CYYR1: variants seen among roughly 807,000 people sequenced by gnomAD.
The protein encoded by CYYR1 is cysteine and tyrosine rich 1.
Under a neutral mutation model 15.2 loss-of-function variants are expected in CYYR1, and 14 were observed. The ratio of observed to expected loss-of-function variants is 0.92; its 90% CI spans 0.61 to 1.44. CYYR1 has a LOEUF of 1.44. Among genes scored for constraint, CYYR1 ranks in the 40% most tolerant of loss-of-function variants. The pLI is 0.00. For synonymous variants in CYYR1, 80 were observed against 77.4 expected, an observed-to-expected ratio of 1.03 and a Z score of -0.18; for missense variants, 228 against 209.5, an observed-to-expected ratio of 1.09 and a Z score of -0.54.
At chr21:26,562,481 T>A (rs542455312) in intron 2 of CYYR1, among the ~76,000 whole-genome samples, 1 of 152,180 alleles carries the variant, frequency 6.6e-6, no homozygotes, top group Non-Finnish European at 1.5e-5. Flanking sequence ...CATTAAAGGA[T>A]CTATCTTTTG....
chr21:26,522,130 T>C (rs1193968369), intron 2 of CYYR1, among the ~76,000 whole-genome samples: 2 of 152,242 alleles, frequency 1.3e-5, no homozygotes, highest in Non-Finnish European at 2.9e-5. Context: ...CCAACCACAG[T>C]ATCAGACACT....
chr21:26,469,608 C>T (rs2065009549), intron 3 of CYYR1, among the ~76,000 whole-genome samples: 1 of 152,052 alleles, frequency 6.6e-6, no homozygotes, highest in Non-Finnish European at 1.5e-5. Flanking sequence ...TCATCTCAAA[C>T]ATTTGTCATT....
rs533631176 is a variant in CYYR1, at chr21:26,468,580, G to A, written c.389C>T (p.Pro130Leu). The A allele has an allele frequency of 3.4e-5, 55 of 1,613,608 alleles. No homozygotes were observed. Among genetic ancestry groups the A allele is most frequent in the Non-Finnish European group, 4.2e-5 (50 of 1,179,776 alleles). ...DHEMEYCADLPPPYSPTPQGP... is the reference protein window; with the variant it reads ...DHEMEYCADLLPPYSPTPQGP... ...CTGTGGGGTGGGGGAGTATGGAGGA[G>A]GCAAGTCTGCACAGTATTCCATCTC... is the stretch of plus-strand genomic sequence containing the variant. Residue 130 changes from proline to leucine, a missense_variant, in exon 4 of 4, where the codon CCT (proline) becomes CTT (leucine). Pro to Leu is a moderately conservative substitution (Grantham distance 98). Transcript: ENST00000652641.
At position 26,468,496 on chromosome 21, in the gene CYYR1, A is replaced by G; in HGVS notation, c.*5T>C. The G allele has an allele frequency of 6.6e-7, 1 of 1,519,388 alleles. No homozygotes were observed. The highest frequency in any genetic ancestry group is 1.1e-5 in the South Asian group (1 of 89,258). 94.1% of individuals were successfully genotyped at this position (1,519,388 alleles called of 1,614,324 possible). On this transcript the variant is annotated 3_prime_UTR_variant, in exon 4 of 4. Coordinates refer to ENST00000652641, the MANE Select transcript of CYYR1 (RefSeq NM_001320768.2). ...ATTGGCACATGTTCTGTTCTGGGAG[A>G]TAGATTATTTCCTTGCGTTTCCAGG...
chr21:26,477,993 T>A, intron 3 of CYYR1: 1 of 1,523,676 alleles, frequency 6.6e-7, no homozygotes, highest in South Asian at 1.3e-5. Context: ...GGTATTGATA[T>A]ATGATTAATT....
chr21:26,481,069 C>T (rs957437915), intron 2 of CYYR1, among the ~76,000 whole-genome samples: 2 of 151,920 alleles, frequency 1.3e-5, no homozygotes, highest in African/African-American at 4.8e-5. Flanking sequence ...AGTTTTAGCT[C>T]ATGCAACAAA....
At position 26,573,229 on chromosome 21, in the gene CYYR1, C is replaced by T. The variant is rs1463609783; in HGVS notation, c.-289G>A. The T allele has an allele frequency of 7.1e-7, 1 of 1,404,342 alleles. No homozygotes were observed. Among genetic ancestry groups the T allele is most frequent in the East Asian group, 3.5e-5 (1 of 28,622 alleles). The allele number at this position is 1,404,342 out of a possible 1,614,324, so 87.0% of individuals were successfully genotyped here. A position where few individuals can be genotyped will look rare whatever the true frequency, so the allele number is the denominator to read the frequency against. ...CGCTCAGGCGCGGGGAAGGCGGCCA[C>T]TCCGGCGTCCTTGGCCACCCAGGCT... On this transcript the variant is annotated 5_prime_UTR_variant, in exon 1 of 4. In the 5' UTR this introduces an upstream ATG that the reference lacks. Transcript: ENST00000652641.
At chr21:26,515,876 T>A (rs1435780947) in intron 2 of CYYR1, among the ~76,000 whole-genome samples, 9 of 152,188 alleles carry the variant, frequency 5.9e-5, no homozygotes, top group African/African-American at 7.2e-5. Flanking sequence ...TATGGGCAAT[T>A]TTTCCCTCAG....
At chr21:26,469,494 T>G (rs932944972) in intron 3 of CYYR1, among the ~76,000 whole-genome samples, 8 of 152,328 alleles carry the variant, frequency 5.3e-5, no homozygotes, top group African/African-American at 1.7e-4. Context: ...ATAATTTTAT[T>G]TTTTTGAATT....
At chr21:26,562,884 A>G (rs1814584999) in intron 2 of CYYR1, among the ~76,000 whole-genome samples, 1 of 151,714 alleles carries the variant, frequency 6.6e-6, no homozygotes, top group South Asian at 2.1e-4. Context: ...AGCTCTTTGA[A>G]TTAGAATTAT....
At chr21:26,570,287 A>C (rs1464916504) in intron 1 of CYYR1, among the ~76,000 whole-genome samples, 1 of 152,188 alleles carries the variant, frequency 6.6e-6, no homozygotes, top group Non-Finnish European at 1.5e-5. Flanking sequence ...GTGGTCTGGA[A>C]GAAGGTTCCC....
At chr21:26,483,015 T>C (rs1455292546) in intron 2 of CYYR1, among the ~76,000 whole-genome samples, 1 of 152,008 alleles carries the variant, frequency 6.6e-6, no homozygotes, top group African/African-American at 2.4e-5. Flanking sequence ...TATTCTTCCT[T>C]CTGGAAACTC....
chr21:26,568,433 C>T (rs565492815), intron 1 of CYYR1: 4 of 152,238 alleles, frequency 2.6e-5, no homozygotes, highest in Admixed American at 6.5e-5. Context: ...AACTGGACTC[C>T]TATCTTTTAC....
chr21:26,562,353 A>G (rs1028904038), intron 2 of CYYR1, among the ~76,000 whole-genome samples: 6 of 152,172 alleles, frequency 3.9e-5, no homozygotes, highest in African/African-American at 1.4e-4. Context: ...ATCTTTGTCT[A>G]TTGTCTTAAT....
chr21:26,493,044 G>A (rs1205506617), intron 2 of CYYR1, among the ~76,000 whole-genome samples: 2 of 152,076 alleles, frequency 1.3e-5, no homozygotes, highest in African/African-American at 2.4e-5. Flanking sequence ...AAGGGTTGAC[G>A]GGATTAGAGC....
rs11298777 is a variant in CYYR1, at chr21:26,547,779, CTTT to C, written c.176+18484_176+18486del. Among the ~76,000 whole-genome samples, 29 of 143,476 alleles carry C rather than the reference CTTT, an allele frequency of 2.0e-4. No homozygotes were observed. The Middle Eastern group carries it at 0.015, about 72-fold the overall frequency. 94.1% of individuals were successfully genotyped at this position (143,476 alleles called of 152,430 possible). A position where few individuals can be genotyped will look rare whatever the true frequency, so the allele number is the denominator to read the frequency against. On this transcript the variant is annotated intron_variant, in intron 2 of 3. Transcript: ENST00000652641. ...GCTGAAAGTTGTAATTCTATTTCTA[CTTT>C]TTTTTTTTTTTCTTTTTTTGGCTCC... is the stretch of plus-strand genomic sequence containing the variant.
chr21:26,523,028 TG>T (rs1169566044), intron 2 of CYYR1, among the ~76,000 whole-genome samples: 1 of 152,102 alleles, frequency 6.6e-6, no homozygotes, highest in Non-Finnish European at 1.5e-5. Flanking sequence ...ATATTGAAAA[TG>T]GTAAGATAGA....
intron 2 of CYYR1, among the ~76,000 whole-genome samples, chr21:26,563,891 AAAAC>A (rs766760428): frequency 6.6e-6 from 1 of 152,216 alleles, no homozygotes; most frequent in Admixed American, 6.5e-5. Context: ...TTTTATTTTA[AAAAC>A]AAACAAAAAC....
At chr21:26,538,710 T>C (rs929379747) in intron 2 of CYYR1, among the ~76,000 whole-genome samples, 3 of 152,190 alleles carry the variant, frequency 2.0e-5, no homozygotes, top group African/African-American at 4.8e-5. Context: ...TGAATCTCAC[T>C]GTAGGTTTGC....
Sources: allele counts gnomAD v4.1 joint callset (sites outside exome capture counted in the v4.1 genomes callset), GRCh38; gene constraint gnomAD v4.1.1; transcripts MANE v1.5; gene names NCBI Gene and HGNC (gene_info 2026-07-23, HGNC 2026-07-21).